PPP2R2B: variants seen among roughly 807,000 people sequenced by gnomAD.
PPP2R2B encodes the protein serine/threonine-protein phosphatase 2A 55 kDa regulatory subunit B beta isoform.
In PPP2R2B, 5 loss-of-function variants were observed where a neutral mutation model predicts 46.0. That is an observed-to-expected ratio of 0.11 (90% CI 0.06 to 0.23). The LOEUF (loss-of-function observed/expected upper bound fraction) is 0.23, where lower values mean the gene tolerates loss of function less well. Ranked by LOEUF, PPP2R2B falls within the 10% of genes least tolerant of loss-of-function variation. The pLI is 1.00. For synonymous variants in PPP2R2B, 215 were observed against 206.7 expected (o/e 1.04, Z -0.34); for missense variants, 367 against 575.0 (o/e 0.64, Z 3.70).
At chr5:146,872,838 A>G (rs1761693473) in intron 2 of PPP2R2B, among the ~76,000 whole-genome samples, 1 of 152,082 alleles carries the variant, frequency 6.6e-6, no homozygotes, top group Non-Finnish European at 1.5e-5. Flanking sequence ...TTTTGCTACA[A>G]TTTCTTCATA....
chr5:146,898,998 G>C (rs993150765), intron 1 of PPP2R2B, among the ~76,000 whole-genome samples: 18 of 150,524 alleles, frequency 1.2e-4, no homozygotes, highest in African/African-American at 4.0e-4. Context: ...AGGATGTGGA[G>C]AAATAGGAAC....
chr5:146,594,432 G>T (rs1770965475), intron 8 of PPP2R2B, among the ~76,000 whole-genome samples: 1 of 152,208 alleles, frequency 6.6e-6, no homozygotes, highest in South Asian at 2.1e-4. Context: ...GGTTCAGAGA[G>T]TAGTAGCCTG....
chr5:147,001,735 T>A (rs542958360), intron 1 of PPP2R2B, among the ~76,000 whole-genome samples: 3 of 152,146 alleles, frequency 2.0e-5, no homozygotes, highest in Non-Finnish European at 4.4e-5. Context: ...GGGGGCTAAA[T>A]AACAGGCACT....
In PPP2R2B at chr5:146,672,645, T is replaced by G. The variant is rs140350813; in HGVS notation, c.447+18483A>C. ...GATGGATAAAGACAGCTAGAGAAAATGGACACCATAGTTTGGTTCAGCATG... is the reference window on the plus strand; with the variant it reads ...GATGGATAAAGACAGCTAGAGAAAAGGGACACCATAGTTTGGTTCAGCATG... On this transcript the variant is annotated intron_variant, in intron 5 of 9. Transcript: ENST00000394411. Among the ~76,000 whole-genome samples the G allele has an allele frequency of 3.8e-3, 582 of 152,086 alleles. 7 individuals carry two copies. The highest frequency in any genetic ancestry group is 0.013 in the African/African-American group (553 of 41,504).
intron 2 of PPP2R2B, among the ~76,000 whole-genome samples, chr5:147,069,854 A>C (rs969967837): frequency 4.5e-4 from 58 of 127,568 alleles, no homozygotes; most frequent in African/African-American, 1.8e-3. Context: ...ACAGTGACAC[A>C]ATCTTGGCTC....
chr5:146,928,920 T>C (rs765083402), intron 1 of PPP2R2B, among the ~76,000 whole-genome samples: 1 of 152,336 alleles, frequency 6.6e-6, no homozygotes, highest in Middle Eastern at 3.4e-3. Context: ...TTTCCAGCCT[T>C]GCTGGCATCC....
chr5:147,052,896 A>G (rs892535556), intron 1 of PPP2R2B, among the ~76,000 whole-genome samples: 1 of 152,098 alleles, frequency 6.6e-6, no homozygotes, highest in Non-Finnish European at 1.5e-5. Context: ...GCTCAGAGTG[A>G]GGGAGGGGAA....
At chr5:147,009,852 T>C (rs915685910) in intron 1 of PPP2R2B, among the ~76,000 whole-genome samples, 3 of 142,798 alleles carry the variant, frequency 2.1e-5, no homozygotes, top group Admixed American at 6.9e-5. Context: ...TTTATATATA[T>C]ACACACACAC....
rs140498151 is a variant in PPP2R2B at position 146,643,773 on chromosome 5, T to C, written c.626-5358A>G. ...ATTGTTTTAAAAAGAAAAAGGCATA[T>C]GGTATAATCCCAACTATATACAAAA... On this transcript the variant is annotated intron_variant, in intron 6 of 9. Transcript: ENST00000394411. 7.9e-5 allele frequency among the ~76,000 whole-genome samples: 12 copies of C among 152,342 alleles called. No homozygotes were observed. The East Asian group carries it at 2.3e-3, about 29-fold the overall frequency.
intron 7 of PPP2R2B, among the ~76,000 whole-genome samples, chr5:146,621,083 A>G (rs1467574464): frequency 6.6e-6 from 1 of 152,244 alleles, no homozygotes; most frequent in African/African-American, 2.4e-5. Flanking sequence ...ACGACAGCCC[A>G]TCTTGGCATG....
intron 2 of PPP2R2B, among the ~76,000 whole-genome samples, chr5:146,860,286 C>G (rs1760907656): frequency 6.6e-6 from 1 of 152,160 alleles, no homozygotes; most frequent in Non-Finnish European, 1.5e-5. Context: ...TTTCAAGTTG[C>G]TAGTTGTGGC....
intron 7 of PPP2R2B, 42 bp downstream of exon 7, chr5:146,638,209 G>T (rs189007853): frequency 1.3e-6 from 2 of 1,590,142 alleles, no homozygotes; most frequent in Admixed American, 3.4e-5. Context: ...GCACATTGGG[G>T]CCAGTGGCCA....
At chr5:146,726,234 C>A (rs78672626) in intron 2 of PPP2R2B, among the ~76,000 whole-genome samples, 5,373 of 152,130 alleles carry the variant, frequency 0.035, 186 homozygotes, top group Non-Finnish European at 0.046. Flanking sequence ...ACTTACTGGG[C>A]GTCAAACAAG....
At chr5:147,035,529 T>C (rs1755996154) in intron 1 of PPP2R2B, among the ~76,000 whole-genome samples, 1 of 152,182 alleles carries the variant, frequency 6.6e-6, no homozygotes, top group African/African-American at 2.4e-5. Flanking sequence ...ATAAGTAGAC[T>C]CTCAAGGCTT....
At chr5:147,001,744 C>T (rs1031920300) in intron 1 of PPP2R2B, among the ~76,000 whole-genome samples, 1 of 152,164 alleles carries the variant, frequency 6.6e-6, no homozygotes, top group Non-Finnish European at 1.5e-5. Flanking sequence ...ATAACAGGCA[C>T]TTGTTGGCCA....
At chr5:146,740,762 A>C (rs1752827602) in intron 2 of PPP2R2B, among the ~76,000 whole-genome samples, 1 of 152,214 alleles carries the variant, frequency 6.6e-6, no homozygotes, top group Non-Finnish European at 1.5e-5. Context: ...CATGAAAAAA[A>C]ATTCCATTTT....
intron 7 of PPP2R2B, among the ~76,000 whole-genome samples, chr5:146,621,416 G>A (rs2151057149): frequency 6.6e-6 from 1 of 152,298 alleles, no homozygotes; most frequent in South Asian, 2.1e-4. Context: ...ATCTCATATA[G>A]CATCATTTTT....
At chr5:147,037,422 A>G (rs1225357484) in intron 1 of PPP2R2B, among the ~76,000 whole-genome samples, 4 of 152,004 alleles carry the variant, frequency 2.6e-5, no homozygotes, top group Admixed American at 6.6e-5. Flanking sequence ...GTGTGTATGT[A>G]CATATATGTA....
intron 2 of PPP2R2B, chr5:146,706,617 T>C: frequency 1.2e-6 from 1 of 812,382 alleles, no homozygotes; most frequent in Non-Finnish European, 2.1e-6. Flanking sequence ...CTGCTCCGCA[T>C]CTGCGATGCC....
Sources: allele counts gnomAD v4.1 joint callset (sites outside exome capture counted in the v4.1 genomes callset), GRCh38; gene constraint gnomAD v4.1.1; transcripts MANE v1.5; gene names NCBI Gene and HGNC (gene_info 2026-07-23, HGNC 2026-07-21).